CD86: variants seen among roughly 807,000 people sequenced by gnomAD.
The protein encoded by CD86 is CD86 molecule.
Under a neutral mutation model 32.1 loss-of-function variants are expected in CD86, and 11 were observed. The ratio of observed to expected loss-of-function variants is 0.34; its 90% CI spans 0.22 to 0.57. The LOEUF is 0.57. Among genes scored for constraint, CD86 ranks in the 20% least tolerant of loss-of-function variants. The probability of loss-of-function intolerance (pLI) is 0.86; values close to 1 mark genes in which losing one functional copy is unlikely to be tolerated. For missense variants in CD86, 359 were observed against 398.4 expected (o/e 0.90, Z 0.84); for synonymous variants, 137 against 135.3 (o/e 1.01, Z -0.09).
chr3:122,074,146 C>T (rs2072526175), intron 1 of CD86, among the ~76,000 whole-genome samples: 1 of 152,224 alleles, frequency 6.6e-6, no homozygotes, highest in Non-Finnish European at 1.5e-5. Flanking sequence ...TCTACTGATG[C>T]TGGGCCCCAT....
At chr3:122,118,401 C>T (rs1035457134) in intron 6 of CD86, among the ~76,000 whole-genome samples, 11 of 152,176 alleles carry the variant, frequency 7.2e-5, no homozygotes, top group African/African-American at 2.7e-4. Flanking sequence ...CAGTACCTGG[C>T]ACAGTGCCTA....
chr3:122,074,255 A>G (rs1361579933), intron 1 of CD86, among the ~76,000 whole-genome samples: 2 of 152,160 alleles, frequency 1.3e-5, no homozygotes, highest in East Asian at 3.8e-4. Context: ...TCTACTGCTC[A>G]CAGGACCCAG....
At chr3:122,090,557 C>T (rs2072799601) in intron 1 of CD86, among the ~76,000 whole-genome samples, 1 of 152,132 alleles carries the variant, frequency 6.6e-6, no homozygotes, top group Admixed American at 6.5e-5. Context: ...TTGTCCTTGG[C>T]TCTGTATCAT....
At chr3:122,072,027 A>G (rs961696231) in intron 1 of CD86, among the ~76,000 whole-genome samples, 12 of 150,160 alleles carry the variant, frequency 8.0e-5, no homozygotes, top group African/African-American at 1.2e-4. Context: ...ATGATTTCCA[A>G]TTTCATCCAT....
intron 1 of CD86, among the ~76,000 whole-genome samples, chr3:122,067,243 G>A (rs1301237552): frequency 1.3e-5 from 2 of 152,162 alleles, no homozygotes; most frequent in African/African-American, 4.8e-5. Context: ...CTCATGAGGA[G>A]TAAGGCGCGG....
intron 2 of CD86, among the ~76,000 whole-genome samples, chr3:122,101,075 C>A (rs1309555241): frequency 6.6e-6 from 1 of 152,084 alleles, no homozygotes; most frequent in Non-Finnish European, 1.5e-5. Context: ...AAAATACTTT[C>A]AGTTCCACTC....
chr3:122,065,594 A>G (rs573416745), intron 1 of CD86, among the ~76,000 whole-genome samples: 3 of 152,130 alleles, frequency 2.0e-5, no homozygotes, highest in South Asian at 2.1e-4. Flanking sequence ...TCCTCTTCCT[A>G]TGCAACCTGC....
chr3:122,111,131 T>C (rs1450967186), intron 5 of CD86, among the ~76,000 whole-genome samples: 1 of 152,130 alleles, frequency 6.6e-6, no homozygotes. Context: ...ATGAAGAATA[T>C]TGGTAAGAAA....
At chr3:122,088,725 G>A (rs887486171) in intron 1 of CD86, among the ~76,000 whole-genome samples, 11 of 152,228 alleles carry the variant, frequency 7.2e-5, no homozygotes, top group African/African-American at 1.9e-4. Flanking sequence ...TCCAGTTGTC[G>A]ATGGGAATGT....
chr3:122,076,332 C>G (rs2072555263), intron 1 of CD86, among the ~76,000 whole-genome samples: 1 of 152,108 alleles, frequency 6.6e-6, no homozygotes, highest in Admixed American at 6.5e-5. Flanking sequence ...CTGCTGAGTA[C>G]AAGGAAAAGA....
chr3:122,090,053 C>A (rs1047166737), intron 1 of CD86, among the ~76,000 whole-genome samples: 15 of 152,128 alleles, frequency 9.9e-5, no homozygotes, highest in Admixed American at 6.6e-5. Flanking sequence ...ACAGTGATCA[C>A]CCCTGTTACC....
chr3:122,081,938 A>T (rs151052847), intron 1 of CD86, among the ~76,000 whole-genome samples: 1 of 152,184 alleles, frequency 6.6e-6, no homozygotes, highest in Admixed American at 6.5e-5. Flanking sequence ...CCAGACAGGG[A>T]TCCTTTAAAT....
At chr3:122,062,531 TA>T (rs1244829784) in intron 1 of CD86, among the ~76,000 whole-genome samples, 2 of 152,328 alleles carry the variant, frequency 1.3e-5, no homozygotes, top group African/African-American at 4.8e-5. Flanking sequence ...GGTGATTTTT[TA>T]TAAGAGTTTT....
intron 2 of CD86, among the ~76,000 whole-genome samples, chr3:122,097,067 A>G (rs185307037): frequency 2.0e-5 from 3 of 152,358 alleles, no homozygotes; most frequent in East Asian, 1.9e-4. Context: ...CAGTAAATTC[A>G]GCAGTTAGGA....
intron 6 of CD86, 62 bp downstream of exon 6, chr3:122,118,155 T>G: frequency 7.3e-7 from 1 of 1,362,834 alleles, no homozygotes. Flanking sequence ...GCCTGTTACT[T>G]GAATAGGCTT....
At chr3:122,058,743 T>A (rs1033940961) in intron 1 of CD86, among the ~76,000 whole-genome samples, 8 of 151,946 alleles carry the variant, frequency 5.3e-5, no homozygotes, top group African/African-American at 1.9e-4. Context: ...AATAGAGACA[T>A]GATAAAATTT....
intron 1 of CD86, among the ~76,000 whole-genome samples, chr3:122,055,875 G>A (rs949713994): frequency 1.3e-5 from 2 of 152,004 alleles, no homozygotes; most frequent in Non-Finnish European, 2.9e-5. Flanking sequence ...TGAGGGTGGA[G>A]GAATGAGATA....
At chr3:122,089,367 T>C (rs1318915502) in intron 1 of CD86, among the ~76,000 whole-genome samples, 1 of 152,234 alleles carries the variant, frequency 6.6e-6, no homozygotes, top group Non-Finnish European at 1.5e-5. Flanking sequence ...ACTTATGAGA[T>C]CTAATTTCAC....
rs2073128308 is a variant in CD86 at position 122,108,747 on chromosome 3, G to GA, written c.704-512dup. On this transcript the variant is annotated intron_variant, in intron 4 of 6. Transcript: ENST00000330540. Reference sequence around the variant, plus strand: ...AGGAAACCTGCTGTGACCTCAGTAGGAAAAAACTAAACAAACAAGCAAATG... The same window carrying GA: ...AGGAAACCTGCTGTGACCTCAGTAGGAAAAAAACTAAACAAACAAGCAAATG... 5.3e-5 allele frequency among the ~76,000 whole-genome samples: 8 copies of GA among 152,242 alleles called. No individual in the cohort carries two copies. In the South Asian group the frequency reaches 1.7e-3, roughly 32 times the overall value.
Sources: gnomAD v4.1 joint callset for allele counts (sites outside exome capture counted in the v4.1 genomes callset) on GRCh38, gnomAD v4.1.1 for gene constraint, MANE v1.5 for transcripts, NCBI Gene and HGNC (gene_info 2026-07-23, HGNC 2026-07-21) for gene names.